IGBP1: variants seen among roughly 807,000 people sequenced by gnomAD.
The protein encoded by IGBP1 is immunoglobulin binding protein 1.
In IGBP1, 2 loss-of-function variants were observed where a neutral mutation model predicts 25.9. The ratio of observed to expected loss-of-function variants is 0.08; its 90% CI spans 0.03 to 0.24. IGBP1 has a LOEUF of 0.24. Among genes scored for constraint, IGBP1 ranks in the 10% least tolerant of loss-of-function variants. The pLI is 1.00. For missense variants in IGBP1, 187 were observed against 260.4 expected, an observed-to-expected ratio of 0.72 and a Z score of 1.94; for synonymous variants, 96 against 93.4, an observed-to-expected ratio of 1.03 and a Z score of -0.16.
intron 3 of IGBP1, among the ~76,000 whole-genome samples, chrX:70,137,055 C>G (rs949600470): frequency 9.0e-6 from 1 of 111,285 alleles, no homozygotes; most frequent in Non-Finnish European, 1.9e-5. Context: ...TTAGCTAGTA[C>G]ACTGTACCAG....
chrX:70,134,335 G>A (rs2085081873), intron 2 of IGBP1, among the ~76,000 whole-genome samples, 188 bp from the exon 3 acceptor site: 1 of 111,752 alleles, frequency 8.9e-6, no homozygotes, highest in Non-Finnish European at 1.9e-5. Flanking sequence ...GCTTCCTAGC[G>A]TCTGCTGATT....
In IGBP1 at chrX:70,134,043, C is replaced by T. The variant is rs1271451535; in HGVS notation, c.96C>T (p.Pro32=). 1 of 1,211,357 alleles carries T rather than the reference C, an allele frequency of 8.3e-7. No homozygotes were observed. Among genetic ancestry groups the T allele is most frequent in the Non-Finnish European group, 1.1e-6 (1 of 894,815 alleles). Residue 32 remains proline, a synonymous_variant, in exon 2 of 7, where the codon CCC becomes CCT. Transcript: ENST00000356413. ...ACGAAGTAGAAGTGGCGACTGAACC[C>T]GCCGGTTCCCGGATAGTCCAGGAGA... The part of the protein sequence containing the change: ...LLDEVEVATE[P]AGSRIVQEKV...
intron 3 of IGBP1, among the ~76,000 whole-genome samples, chrX:70,145,993 A>G (rs1276058324): frequency 8.9e-6 from 1 of 111,892 alleles, no homozygotes; most frequent in Non-Finnish European, 1.9e-5. Context: ...GGACTTTTAT[A>G]TGCTGCTGTG....
Position 70,166,310 on chromosome X carries a change from G to A in IGBP1, c.*329G>A, listed in dbSNP as rs2085297557. The A allele has an allele frequency of 5.9e-6, 1 of 170,041 alleles. No homozygotes were observed. The highest frequency in any genetic ancestry group is 3.0e-5 in the African/African-American group (1 of 32,901). 14.0% of individuals were successfully genotyped at this position (170,041 alleles called of 1,213,427 possible). On this transcript the variant is annotated 3_prime_UTR_variant, in exon 7 of 7. Transcript: ENST00000356413. Reference sequence around the variant, plus strand: ...ATAATAAAAGTCCCCTCTATTATATGAGCCTGTACAGAAATATGGCTATCA... The same window carrying A: ...ATAATAAAAGTCCCCTCTATTATATAAGCCTGTACAGAAATATGGCTATCA...
At chrX:70,142,941 G>A (rs1422180549) in intron 3 of IGBP1, among the ~76,000 whole-genome samples, 1 of 70,536 alleles carries the variant, frequency 1.4e-5, no homozygotes, top group Admixed American at 2.0e-4. Flanking sequence ...TTTTTTTTGT[G>A]AGACAGAGTT....
rs1337721452 is a variant in IGBP1, at chrX:70,133,687, C to T, written c.-225-36C>T. 1.9e-4 allele frequency: 83 copies of T among 432,477 alleles called. No homozygotes were observed. The South Asian group carries it at 2.9e-3, about 15-fold the overall frequency. The allele number at this position is 432,477 out of a possible 1,213,427, so 35.6% of individuals were successfully genotyped here. On this transcript the variant is annotated intron_variant, in intron 1 of 6. Coordinates refer to ENST00000356413, the MANE Select transcript of IGBP1 (RefSeq NM_001551.3). The stretch of plus-strand genomic sequence containing the variant: ...CGACGAGGAGCTCATGGTAAAACAG[C>T]GCCTAGGGTTTTGCTTGTTTGTTTG...
At chrX:70,134,889 G>C in intron 3 of IGBP1, 73 bp downstream of exon 3, 2 of 1,001,888 alleles carry the variant, frequency 2.0e-6, no homozygotes, top group Non-Finnish European at 1.4e-6. Context: ...TTGGCGGGTG[G>C]TGGGGGGCCA....
intron 6 of IGBP1, among the ~76,000 whole-genome samples, chrX:70,159,356 G>T (rs959409744): frequency 2.7e-5 from 3 of 112,137 alleles, no homozygotes; most frequent in Non-Finnish European, 5.6e-5. Context: ...CAAGGAAAAA[G>T]AATAAATGCT....
chrX:70,165,835 G>A lies in IGBP1; in HGVS notation c.874G>A (p.Glu292Lys), dbSNP rs2085294832. The A allele has an allele frequency of 3.3e-6, 4 of 1,203,376 alleles. No individual in the cohort carries two copies. The African/African-American group carries it at 7.1e-5, about 21-fold the overall frequency. Residue 292 changes from glutamate (E) to lysine (K), a missense_variant and splice_region_variant, in exon 7 of 7, where the codon GAA (glutamate) becomes AAA (lysine). By Grantham distance (56) the Glu-to-Lys change is moderately conservative. Transcript: ENST00000356413. ...CCTTTCTAATTTTTCCACTTTAGAG[G>A]AATTCAGAAAAGCAGCTCAGCAACA... ...DQGIAKAAPE[E>K]FRKAAQQQEE...
intron 3 of IGBP1, among the ~76,000 whole-genome samples, chrX:70,138,339 T>C (rs749046167): frequency 3.7e-5 from 4 of 109,237 alleles, no homozygotes; most frequent in African/African-American, 1.0e-4. Context: ...AATAAAAAAC[T>C]AGCCAGGTAT....
rs770015940 is a variant in IGBP1, at chrX:70,133,720, C to T, written c.-225-3C>T. On this transcript the variant is annotated splice_polypyrimidine_tract_variant and splice_region_variant and intron_variant, in intron 1 of 6. Transcript: ENST00000356413. ...GTTTTGCTTGTTTGTTTGCTTTTAA[C>T]AGATGCCTACGACTTGTAACGGGCT... 1.0e-4 allele frequency: 46 copies of T among 442,621 alleles called. No homozygotes were observed. Among genetic ancestry groups the T allele is most frequent in the African/African-American group, 2.0e-4 (8 of 40,547 alleles). 36.5% of individuals were successfully genotyped at this position (442,621 alleles called of 1,213,427 possible).
intron 3 of IGBP1, 112 bp from the exon 4 acceptor site, chrX:70,146,521 T>C (rs1242117696): frequency 1.0e-5 from 6 of 601,232 alleles, no homozygotes; most frequent in South Asian, 5.1e-5. Flanking sequence ...AAGGTGGAAA[T>C]TGGTATGCTT....
intron 5 of IGBP1, 107 bp downstream of exon 5, chrX:70,148,947 G>T: frequency 1.6e-6 from 1 of 615,680 alleles, no homozygotes; most frequent in Middle Eastern, 3.1e-4. Flanking sequence ...TCATGATCTT[G>T]GGTGGGCGAG....
chrX:70,140,842 G>A (rs1325761551), intron 3 of IGBP1, among the ~76,000 whole-genome samples: 2 of 111,929 alleles, frequency 1.8e-5, no homozygotes, highest in Admixed American at 9.6e-5. Flanking sequence ...GTGACAACTG[G>A]ATAGTCATTT....
At chrX:70,155,943 C>A (rs1238720581) in intron 6 of IGBP1, among the ~76,000 whole-genome samples, 1 of 111,893 alleles carries the variant, frequency 8.9e-6, no homozygotes, top group Admixed American at 9.5e-5. Flanking sequence ...TACTTACAGG[C>A]TACTGTAGGG....
chrX:70,149,118 C>T (rs2085186054), intron 5 of IGBP1: 1 of 297,308 alleles, frequency 3.4e-6, no homozygotes, highest in Non-Finnish European at 6.1e-6. Context: ...ATCCCGGCTA[C>T]TGGGGAGGCT....
intron 6 of IGBP1, among the ~76,000 whole-genome samples, chrX:70,161,639 A>AGTGT (rs2085271413): frequency 1.8e-5 from 2 of 111,064 alleles, no homozygotes; most frequent in African/African-American, 6.5e-5. Flanking sequence ...TGCTCAGAAC[A>AGTGT]CTTACGTTAG....
intron 4 of IGBP1, among the ~76,000 whole-genome samples, chrX:70,148,340 T>C (rs191737056): frequency 9.3e-4 from 104 of 111,960 alleles, no homozygotes; most frequent in African/African-American, 3.2e-3. Context: ...GACAATTAAG[T>C]GCATAAGTAC....
Position 70,133,944 on chromosome X carries a change from C to G in IGBP1, c.-4C>G. On this transcript the variant is annotated 5_prime_UTR_variant, in exon 2 of 7. Transcript: ENST00000356413. ...GAGATCTTCCGGGTTCCTCTCTCCCCAAGATGGCTGCTGAGGACGAGTTAC... is the reference window on the plus strand; with the variant it reads ...GAGATCTTCCGGGTTCCTCTCTCCCGAAGATGGCTGCTGAGGACGAGTTAC... 8.3e-7 allele frequency: 1 copy of G among 1,209,967 alleles called. No individual in the cohort carries two copies. Among genetic ancestry groups the G allele is most frequent in the Non-Finnish European group, 1.1e-6 (1 of 893,985 alleles).
Sources: gnomAD v4.1 joint callset for allele counts (sites outside exome capture counted in the v4.1 genomes callset) on GRCh38, gnomAD v4.1.1 for gene constraint, MANE v1.5 for transcripts, NCBI Gene and HGNC (gene_info 2026-07-23, HGNC 2026-07-21) for gene names.